The following FER1L5 variants were observed in gnomAD, a reference collection of about 807,000 sequenced individuals.
The protein encoded by FER1L5 is fer-1 like family member 5.
FER1L5 carries 187 observed loss-of-function variants against 279.9 expected under a neutral mutation model. That is an observed-to-expected ratio of 0.67 (90% CI 0.59 to 0.75). FER1L5 has a LOEUF of 0.75. Among genes scored for constraint, FER1L5 ranks in the 30% least tolerant of loss-of-function variants. The pLI is 0.00. For missense variants in FER1L5, 2,091 were observed against 2,594.4 expected (o/e 0.81, Z 4.21); for synonymous variants, 921 against 989.7 (o/e 0.93, Z 1.30).
intron 4 of FER1L5, among the ~76,000 whole-genome samples, chr2:96,648,479 G>T (rs2075229494): frequency 6.6e-6 from 1 of 152,248 alleles, no homozygotes; most frequent in African/African-American, 2.4e-5. Flanking sequence ...AGGCTACGGG[G>T]GAGCCCAAGG....
intron 19 of FER1L5, 63 bp downstream of exon 19, chr2:96,673,317 C>T (rs1346495555): frequency 4.1e-6 from 6 of 1,458,628 alleles, no homozygotes; most frequent in Non-Finnish European, 4.7e-6. Context: ...CTGTGCTAGG[C>T]TCTCTCAGGG....
At chr2:96,657,431 C>T (rs1466677420) in intron 9 of FER1L5, among the ~76,000 whole-genome samples, 1 of 152,032 alleles carries the variant, frequency 6.6e-6, no homozygotes, top group Non-Finnish European at 1.5e-5. Context: ...ATTAATGGTA[C>T]ATATTTAAAA....
In FER1L5 at chr2:96,691,983, T is replaced by C. The variant is rs570209483; in HGVS notation, c.3214+20T>C. On this transcript the variant is annotated intron_variant, in intron 30 of 52. Coordinates refer to ENST00000624922, the MANE Select transcript of FER1L5 (RefSeq NM_001293083.2). The surrounding 1 kb of genome is among the most constrained non-coding windows in gnomAD (Gnocchi z 6.0). ...TCAATAGTAAGCACTGACTTGGGAG[T>C]CTACTTGAATGGCCCCAGAGGCCAG... 2.4e-4 allele frequency: 328 copies of C among 1,370,252 alleles called. 3 individuals are homozygous for C. In the East Asian group the frequency reaches 0.013, roughly 53 times the overall value. The allele number at this position is 1,370,252 out of a possible 1,614,324, so 84.9% of individuals were successfully genotyped here.
Position 96,703,320 on chromosome 2 carries a change from C to T in FER1L5, c.5665C>T (p.Leu1889Phe). 1.9e-6 allele frequency: 3 copies of T among 1,611,990 alleles called. No individual in the cohort carries two copies. The highest frequency in any genetic ancestry group is 2.5e-6 in the Non-Finnish European group (3 of 1,178,992). The change falls in exon 50 of 53, where the codon CTC (leucine) becomes TTC (phenylalanine). Residue 1889 changes from leucine (L) to phenylalanine (F), a missense_variant. Coordinates refer to ENST00000624922, the MANE Select transcript of FER1L5 (RefSeq NM_001293083.2). The part of the protein sequence containing the change: ...TVTGWWPCQV[L>F]DGGKWRLSGK... ...GACTGGCTGGTGGCCTTGCCAGGTC[C>T]TCGATGGTGGCAAATGGCGCTTGTC...
intron 4 of FER1L5, among the ~76,000 whole-genome samples, chr2:96,648,272 G>C (rs1219765611): frequency 6.6e-6 from 1 of 152,238 alleles, no homozygotes; most frequent in East Asian, 1.9e-4. Context: ...GATTTACAGA[G>C]GGGGTGATGT....
intron 20 of FER1L5, 44 bp downstream of exon 20, chr2:96,684,495 A>G: frequency 1.3e-6 from 2 of 1,536,352 alleles, no homozygotes; most frequent in South Asian, 2.4e-5. Context: ...CCTGTTTCAG[A>G]GTGTGGCTGG....
chr2:96,661,305 T>C lies in FER1L5; in HGVS notation c.779-20T>C. 2 of 1,504,500 alleles carry C rather than the reference T, an allele frequency of 1.3e-6. No homozygotes were observed. Among genetic ancestry groups the C allele is most frequent in the Middle Eastern group, 1.7e-4 (1 of 5,848 alleles). 93.2% of individuals were successfully genotyped at this position (1,504,500 alleles called of 1,614,324 possible). On this transcript the variant is annotated intron_variant, in intron 10 of 52. Coordinates refer to ENST00000624922, the MANE Select transcript of FER1L5 (RefSeq NM_001293083.2). ...AAGGAGGCTGCAGGCAGATCTCCCA[T>C]GGCCTTTCTGCCTCTCTAGGTCACA...
intron 19 of FER1L5, among the ~76,000 whole-genome samples, chr2:96,684,088 C>T (rs1159521324): frequency 6.6e-6 from 1 of 152,198 alleles, no homozygotes; most frequent in African/African-American, 2.4e-5. Context: ...GATTTTCCCA[C>T]TGGAAACTGG....
intron 19 of FER1L5, among the ~76,000 whole-genome samples, chr2:96,683,652 A>G (rs1046247770): frequency 6.6e-6 from 1 of 152,016 alleles, no homozygotes; most frequent in Non-Finnish European, 1.5e-5. Flanking sequence ...TCTGCCCCCC[A>G]TTCCTCCCAT....
intron 4 of FER1L5, among the ~76,000 whole-genome samples, chr2:96,648,642 T>C (rs2075236812): frequency 6.6e-6 from 1 of 152,232 alleles, no homozygotes; most frequent in African/African-American, 2.4e-5. Flanking sequence ...TCCTGGATTA[T>C]TGCTAGAGAC....
rs2077366275 is a variant in FER1L5, at chr2:96,696,053, GCTGT to G, written c.4063_4066del (p.Ser1355ArgfsTer8). The G allele has an allele frequency of 1.9e-6, 3 of 1,613,872 alleles. No homozygotes were observed. In the Admixed American group the frequency reaches 5.0e-5, roughly 27 times the overall value. On this transcript the variant is annotated frameshift_variant and splice_region_variant, in exon 37 of 53. Coordinates refer to ENST00000624922, the MANE Select transcript of FER1L5 (RefSeq NM_001293083.2). LOFTEE classifies it high-confidence loss of function. The stretch of plus-strand genomic sequence containing the variant: ...CGTCCCTGCGCTCTCCCCGCACAGC[GCTGT>G]CTGAGAAGAAGCACCAAGACGTAAG...
chr2:96,696,285 T>A (rs556651822), intron 37 of FER1L5, among the ~76,000 whole-genome samples: 5 of 152,310 alleles, frequency 3.3e-5, no homozygotes, highest in African/African-American at 7.2e-5. Flanking sequence ...TTGATTTTTT[T>A]AAACTTTTCA....
intron 9 of FER1L5, among the ~76,000 whole-genome samples, chr2:96,659,354 C>CTTCCTTCCTTCCTTCCTTCT (rs2075775757): frequency 1.6e-5 from 1 of 64,398 alleles, no homozygotes; most frequent in Non-Finnish European, 2.9e-5. Context: ...TCCTTCCTTC[C>CTTCCTTCCTTCCTTCCTTCT]TTCCTTCCTT....
In FER1L5 at chr2:96,678,984, C is replaced by G. The variant is rs560137996; in HGVS notation, c.1670-5343C>G. On this transcript the variant is annotated intron_variant, in intron 19 of 52. Coordinates refer to ENST00000624922, the MANE Select transcript of FER1L5 (RefSeq NM_001293083.2). ...TTTGATAAAATCCAATTTATTTTTT[C>G]TTTTATGGTGTTATAGCTAAGAACT... 3.8e-4 allele frequency among the ~76,000 whole-genome samples: 57 copies of G among 151,984 alleles called. 2 individuals carry two copies. Among genetic ancestry groups the G allele is most frequent in the Middle Eastern group, 3.4e-3 (1 of 294 alleles).
At chr2:96,658,069 T>C (rs1053319750) in intron 9 of FER1L5, among the ~76,000 whole-genome samples, 1 of 151,514 alleles carries the variant, frequency 6.6e-6, no homozygotes, top group African/African-American at 2.4e-5. Context: ...CAGGCTGGAG[T>C]GCAATGGCGT....
At chr2:96,697,975 T>TC in intron 39 of FER1L5, 62 bp from the exon 40 acceptor site, 1 of 1,520,890 alleles carries the variant, frequency 6.6e-7, no homozygotes, top group Non-Finnish European at 8.8e-7. Context: ...GAGCTGGTGG[T>TC]CCCTCCATCT....
intron 19 of FER1L5, among the ~76,000 whole-genome samples, chr2:96,675,392 A>C (rs781406859): frequency 7.2e-5 from 11 of 152,178 alleles, no homozygotes; most frequent in Non-Finnish European, 1.6e-4. Flanking sequence ...TCTCACCAGT[A>C]CTTGATATTG....
chr2:96,681,324 G>A (rs948510925), intron 19 of FER1L5, among the ~76,000 whole-genome samples: 1 of 152,118 alleles, frequency 6.6e-6, no homozygotes, highest in Admixed American at 6.6e-5. Flanking sequence ...TGCAGCCTGG[G>A]TGACAGAGTG....
chr2:96,690,464 T>G, intron 26 of FER1L5, 23 bp from the exon 27 acceptor site: 6 of 1,549,784 alleles, frequency 3.9e-6, no homozygotes, highest in Non-Finnish European at 3.5e-6. Context: ...TGCCCCTCGC[T>G]CGCCCTCTCT....
Sources: gnomAD v4.1 joint callset for allele counts (sites outside exome capture counted in the v4.1 genomes callset) on GRCh38, gnomAD v4.1.1 for gene constraint, Gnocchi (gnomAD v3.1) non-coding constraint, MANE v1.5 for transcripts, NCBI Gene and HGNC (gene_info 2026-07-23, HGNC 2026-07-21) for gene names.